ESYT3: variants seen among roughly 807,000 people sequenced by gnomAD.
ESYT3 encodes extended synaptotagmin 3, also known as extended synaptotagmin-3.
ESYT3 carries 101 observed loss-of-function variants against 111.5 expected under a neutral mutation model. That is an observed-to-expected ratio of 0.91 (90% CI 0.77 to 1.07). ESYT3 has a LOEUF of 1.07. ESYT3 is among the 50% of genes least tolerant of loss of function. The pLI, the probability that ESYT3 is intolerant of heterozygous loss-of-function variation, is 0.00. For missense variants in ESYT3, 1,097 were observed against 1,109.4 expected, an observed-to-expected ratio of 0.99 and a Z score of 0.16; for synonymous variants, 416 against 446.8, an observed-to-expected ratio of 0.93 and a Z score of 0.87.
At chr3:138,442,588 G>A (rs568388828) in intron 1 of ESYT3, among the ~76,000 whole-genome samples, 1 of 152,164 alleles carries the variant, frequency 6.6e-6, no homozygotes, top group South Asian at 2.1e-4. Flanking sequence ...GCTCCTACAG[G>A]GCCCTGAGCA....
At position 138,468,127 on chromosome 3, in the gene ESYT3, C is replaced by T; in HGVS notation, c.1241C>T (p.Thr414Ile). 2 of 1,614,156 alleles carry T rather than the reference C, an allele frequency of 1.2e-6. No individual in the cohort carries two copies. Among genetic ancestry groups the T allele is most frequent in the South Asian group, 1.1e-5 (1 of 91,084 alleles). Residue 414 changes from threonine (T) to isoleucine (I), a missense_variant, in exon 12 of 23, where the codon ACC becomes ATC. Transcript: ENST00000389567. Reference sequence around the variant, plus strand: ...CAGTGGTTTGTCCTGAATGACACAACCAGCGGGCGGCTGCACCTGCGGCTG... The same window carrying T: ...CAGTGGTTTGTCCTGAATGACACAATCAGCGGGCGGCTGCACCTGCGGCTG... ...VDEWFVLNDT[T>I]SGRLHLRLEW...
chr3:138,473,348 T>G (rs2033329462), intron 18 of ESYT3, 188 bp from the exon 19 acceptor site: 1 of 642,242 alleles, frequency 1.6e-6, no homozygotes, highest in African/African-American at 1.8e-5. Flanking sequence ...TTCTTCCTAC[T>G]ATGAAGTAGG....
At chr3:138,480,048 T>C (rs975195274), downstream of ESYT3, 1 of 152,162 alleles carries the variant, frequency 6.6e-6, no homozygotes, top group Admixed American at 6.5e-5. Context: ...AAAGTTGATA[T>C]ATACAACTTC....
chr3:138,479,338 A>G lies in ESYT3; in HGVS notation c.*2484A>G, dbSNP rs1434162887. 1.3e-5 allele frequency: 2 copies of G among 152,236 alleles called. No individual in the cohort carries two copies. The highest frequency in any genetic ancestry group is 4.8e-5 in the African/African-American group (2 of 41,460). The allele number at this position is 152,236 out of a possible 1,614,324, so 9.4% of individuals were successfully genotyped here. On this transcript the variant is annotated 3_prime_UTR_variant, in exon 23 of 23. Coordinates refer to ENST00000389567, the MANE Select transcript of ESYT3 (RefSeq NM_031913.5). ...AACATAGTAGAACTAAAATGTTAGTACTAACAACTAAGAAGGGGCAGCTAG... is the reference window on the plus strand; with the variant it reads ...AACATAGTAGAACTAAAATGTTAGTGCTAACAACTAAGAAGGGGCAGCTAG...
At position 138,460,649 on chromosome 3, in the gene ESYT3, G is replaced by A; in HGVS notation, c.777G>A (p.Leu259=). Residue 259 remains leucine (L), a synonymous_variant, in exon 7 of 23, where the codon CTG becomes CTA. Coordinates refer to ENST00000389567, the MANE Select transcript of ESYT3 (RefSeq NM_031913.5). ...QINWTGLTNL[L]DAPGINDVSD... ...ACTGGACTGGCCTGACCAACCTGCT[G>A]GATGCGCCGGGAATCAAGTAGGTGC... The A allele has an allele frequency of 1.2e-6, 2 of 1,614,100 alleles. No individual in the cohort carries two copies. Among genetic ancestry groups the A allele is most frequent in the Non-Finnish European group, 1.7e-6 (2 of 1,179,946 alleles).
At chr3:138,444,847 T>C (rs1485197188) in intron 1 of ESYT3, among the ~76,000 whole-genome samples, 1 of 152,222 alleles carries the variant, frequency 6.6e-6, no homozygotes, top group Non-Finnish European at 1.5e-5. Context: ...CACAGCAGTG[T>C]TCTCCTAGGA....
intron 8 of ESYT3, among the ~76,000 whole-genome samples, chr3:138,463,090 C>T (rs2108618025): frequency 6.6e-6 from 1 of 151,812 alleles, no homozygotes; most frequent in East Asian, 1.9e-4. Flanking sequence ...TTTTTTTGGG[C>T]GGTGGGTGTG....
intron 1 of ESYT3, among the ~76,000 whole-genome samples, chr3:138,447,282 G>A (rs2031606069): frequency 6.6e-6 from 1 of 152,092 alleles, no homozygotes; most frequent in African/African-American, 2.4e-5. Flanking sequence ...AGGCCACAAG[G>A]AATTATCAAC....
intron 1 of ESYT3, among the ~76,000 whole-genome samples, chr3:138,449,089 T>C (rs868214656): frequency 4.1e-5 from 6 of 144,730 alleles, no homozygotes; most frequent in African/African-American, 1.0e-4. Context: ...TTTCTTTTTT[T>C]TTTTTTTTTT....
intron 1 of ESYT3, among the ~76,000 whole-genome samples, chr3:138,447,320 G>T (rs1299387762): frequency 6.6e-6 from 1 of 152,134 alleles, no homozygotes; most frequent in African/African-American, 2.4e-5. Flanking sequence ...CAATCCTACA[G>T]ACTGTTCAGG....
At chr3:138,462,232 C>T in intron 8 of ESYT3, 26 bp downstream of exon 8, 1 of 1,614,080 alleles carries the variant, frequency 6.2e-7, no homozygotes, top group Non-Finnish European at 8.5e-7. Context: ...TAGCCACAGA[C>T]CAGCCTGCTG....
At position 138,434,648 on chromosome 3, in the gene ESYT3, AC is replaced by A; in HGVS notation, c.-148del. 1 of 692,188 alleles carries A rather than the reference AC, an allele frequency of 1.4e-6. No homozygotes were observed. Among genetic ancestry groups the A allele is most frequent in the African/African-American group, 1.9e-5 (1 of 52,968 alleles). 42.9% of individuals were successfully genotyped at this position (692,188 alleles called of 1,614,324 possible). Reference sequence around the variant, plus strand: ...CAGGCGCTGCTCTCCGTCGCAGAGAACCCTGAGCTCGGCGCGCCGAGAGTCC... The same window carrying A: ...CAGGCGCTGCTCTCCGTCGCAGAGAACCTGAGCTCGGCGCGCCGAGAGTCC... On this transcript the variant is annotated 5_prime_UTR_variant, in exon 1 of 23. Transcript: ENST00000389567.
chr3:138,474,370 C>T lies in ESYT3; in HGVS notation c.2468+18C>T. ...GATGAGACGTAAGTGGGCTGGTGGCCTGCCTAGAGTGCCTCACCCATTCAA... is the reference window on the plus strand; with the variant it reads ...GATGAGACGTAAGTGGGCTGGTGGCTTGCCTAGAGTGCCTCACCCATTCAA... On this transcript the variant is annotated intron_variant, in intron 20 of 22. Transcript: ENST00000389567. The T allele has an allele frequency of 6.4e-7, 1 of 1,574,628 alleles. No individual in the cohort carries two copies. Among genetic ancestry groups the T allele is most frequent in the Non-Finnish European group, 8.6e-7 (1 of 1,167,684 alleles).
intron 1 of ESYT3, among the ~76,000 whole-genome samples, chr3:138,451,753 C>G (rs2031943753): frequency 6.6e-6 from 1 of 152,258 alleles, no homozygotes; most frequent in Non-Finnish European, 1.5e-5. Context: ...CAGAAACGCC[C>G]ACGCGAGCCT....
At chr3:138,457,462 T>C (rs2032353531) in intron 3 of ESYT3, 106 bp from the exon 4 acceptor site, 2 of 930,848 alleles carry the variant, frequency 2.1e-6, no homozygotes, top group Non-Finnish European at 3.6e-6. Flanking sequence ...CTTGGAAGTA[T>C]GGTGGTCATG....
chr3:138,451,954 G>T, intron 1 of ESYT3, 94 bp from the exon 2 acceptor site: 1 of 1,394,368 alleles, frequency 7.2e-7, no homozygotes, highest in Non-Finnish European at 1.0e-6. Flanking sequence ...GGTGCAGCGC[G>T]TGGGCGGAAT....
chr3:138,476,731 C>A, intron 22 of ESYT3, 87 bp from the exon 23 acceptor site: 1 of 1,364,174 alleles, frequency 7.3e-7, no homozygotes, highest in Non-Finnish European at 1.0e-6. Context: ...CTTACAGAGG[C>A]CCAGGCAGGC....
At chr3:138,447,404 T>G (rs2031616168) in intron 1 of ESYT3, among the ~76,000 whole-genome samples, 1 of 152,202 alleles carries the variant, frequency 6.6e-6, no homozygotes, top group Admixed American at 6.5e-5. Flanking sequence ...GTCTAGATAC[T>G]TTAAAACATT....
At chr3:138,473,463 T>A in intron 18 of ESYT3, 73 bp from the exon 19 acceptor site, 2 of 1,340,400 alleles carry the variant, frequency 1.5e-6, no homozygotes, top group South Asian at 2.4e-5. Flanking sequence ...GGAATGCTTC[T>A]TTGTCTTTGG....
Sources: allele counts gnomAD v4.1 joint callset (sites outside exome capture counted in the v4.1 genomes callset), GRCh38; gene constraint gnomAD v4.1.1; transcripts MANE v1.5; gene names NCBI Gene and HGNC (gene_info 2026-07-23, HGNC 2026-07-21).